The following PCDH15 variants were observed in gnomAD, a reference collection of about 807,000 sequenced individuals.
PCDH15 encodes the protein protocadherin related 15.
A neutral mutation model predicts 178.5 loss-of-function variants in PCDH15; 129 were observed. That is an observed-to-expected ratio of 0.72 (90% CI 0.63 to 0.84). The LOEUF (loss-of-function observed/expected upper bound fraction) is 0.84. Among genes scored for constraint, PCDH15 ranks in the 40% least tolerant of loss-of-function variants. PCDH15 has a pLI of 0.00. For missense variants in PCDH15, 2,230 were observed against 2,099.9 expected (o/e 1.06, Z -1.21); for synonymous variants, 800 against 732.0 (o/e 1.09, Z -1.50).
At chr10:54,599,319 A>T (rs997311597) in intron 2 of PCDH15, among the ~76,000 whole-genome samples, 1 of 152,042 alleles carries the variant, frequency 6.6e-6, no homozygotes, top group African/African-American at 2.4e-5. Flanking sequence ...GCATAGACCA[A>T]AAAAACAAAA....
At chr10:54,711,252 C>T (rs1052430350) in intron 1 of PCDH15, among the ~76,000 whole-genome samples, 1 of 151,964 alleles carries the variant, frequency 6.6e-6, no homozygotes, top group Non-Finnish European at 1.5e-5. Context: ...AAAATGATAT[C>T]TTTCCTCTGA....
At chr10:53,823,371 G>C in intron 32 of PCDH15, 1 of 1,607,550 alleles carries the variant, frequency 6.2e-7, no homozygotes, top group Non-Finnish European at 8.5e-7. Flanking sequence ...TGAAAGAAAA[G>C]AAGATAATGA....
At chr10:53,951,717 C>A (rs1448684326) in intron 23 of PCDH15, among the ~76,000 whole-genome samples, 1 of 152,172 alleles carries the variant, frequency 6.6e-6, no homozygotes, top group Non-Finnish European at 1.5e-5. Context: ...GCTGGTGGCA[C>A]CTTTACATGA....
chr10:54,632,857 G>A (rs1477359078), intron 2 of PCDH15, among the ~76,000 whole-genome samples: 1 of 151,956 alleles, frequency 6.6e-6, no homozygotes, highest in Non-Finnish European at 1.5e-5. Context: ...ACTTGAACAA[G>A]AAGTTCCAAG....
chr10:55,274,833 C>T (rs1016593785), intron 1 of PCDH15, among the ~76,000 whole-genome samples: 1 of 152,006 alleles, frequency 6.6e-6, no homozygotes, highest in Non-Finnish European at 1.5e-5. Flanking sequence ...GACCTAGATC[C>T]CTTGCATGTG....
At chr10:54,402,158 T>C (rs1235431497) in intron 3 of PCDH15, among the ~76,000 whole-genome samples, 1 of 151,668 alleles carries the variant, frequency 6.6e-6, no homozygotes, top group Admixed American at 6.6e-5. Context: ...CACAGAAAAT[T>C]CATGTATCAA....
intron 2 of PCDH15, among the ~76,000 whole-genome samples, chr10:55,127,116 T>C (rs541167682): frequency 2.0e-5 from 3 of 152,190 alleles, no homozygotes; most frequent in East Asian, 3.9e-4. Context: ...ACTACTCATG[T>C]GCTTTTCTGC....
chr10:55,406,008 G>C (rs990031622), intron 2 of PCDH15, among the ~76,000 whole-genome samples: 1 of 150,920 alleles, frequency 6.6e-6, no homozygotes, highest in Non-Finnish European at 1.5e-5. Context: ...GCAAAGATTT[G>C]AAGGAAGTGA....
chr10:55,182,763 C>T (rs1013950863), intron 1 of PCDH15, among the ~76,000 whole-genome samples: 5 of 151,918 alleles, frequency 3.3e-5, no homozygotes, highest in Admixed American at 2.0e-4. Flanking sequence ...TGTGGGATTT[C>T]ATTGGGAGGA....
chr10:54,243,067 T>G (rs2131939403), intron 8 of PCDH15, among the ~76,000 whole-genome samples: 1 of 152,334 alleles, frequency 6.6e-6, no homozygotes, highest in South Asian at 2.1e-4. Flanking sequence ...AGTAACTATA[T>G]AATTTAATAC....
intron 3 of PCDH15, among the ~76,000 whole-genome samples, chr10:54,497,151 G>C (rs2080198407): frequency 6.6e-6 from 1 of 151,754 alleles, no homozygotes. Flanking sequence ...TCCAGGGTTA[G>C]AGCAGGAAGC....
intron 28 of PCDH15, among the ~76,000 whole-genome samples, chr10:53,854,858 C>T (rs2078618900): frequency 6.6e-6 from 1 of 151,968 alleles, no homozygotes; most frequent in African/African-American, 2.4e-5. Flanking sequence ...ATTATTTGCC[C>T]AATTTCATGT....
chr10:55,064,523 G>A (rs1451786700), intron 2 of PCDH15, among the ~76,000 whole-genome samples: 1 of 151,980 alleles, frequency 6.6e-6, no homozygotes, highest in African/African-American at 2.4e-5. Context: ...GAAAAAAATT[G>A]AAATCATTGT....
chr10:54,605,547 C>A (rs1244130659), intron 2 of PCDH15: 1 of 152,204 alleles, frequency 6.6e-6, no homozygotes. Flanking sequence ...AGTTGTTTTT[C>A]TTTTGCTGCT....
chr10:55,621,173 A>G (rs1300377355), intron 2 of PCDH15, among the ~76,000 whole-genome samples: 2 of 152,210 alleles, frequency 1.3e-5, no homozygotes. Flanking sequence ...AATAATATGA[A>G]TAGAATTTAA....
At position 54,173,314 on chromosome 10, in the gene PCDH15, C is replaced by T. The variant is rs754847317; in HGVS notation, c.1590+10130G>A. On this transcript the variant is annotated intron_variant, in intron 13 of 37. Transcript: ENST00000644397. The stretch of plus-strand genomic sequence containing the variant: ...TTATTTCTTATGATTTGGCATCGTG[C>T]GCAATACTTTAAATGCTCTACACAA... Among the ~76,000 whole-genome samples the T allele has an allele frequency of 7.9e-5, 12 of 152,014 alleles. No homozygotes were observed. In the South Asian group the frequency reaches 8.3e-4, roughly 11 times the overall value.
chr10:55,244,767 A>T (rs1177912505), intron 1 of PCDH15, among the ~76,000 whole-genome samples: 1 of 151,434 alleles, frequency 6.6e-6, no homozygotes, highest in Non-Finnish European at 1.5e-5. Context: ...TCTATTAGAA[A>T]ATTATTTCCA....
chr10:55,372,566 A>C (rs1347775577), intron 2 of PCDH15, among the ~76,000 whole-genome samples: 1 of 152,166 alleles, frequency 6.6e-6, no homozygotes, highest in Non-Finnish European at 1.5e-5. Flanking sequence ...TATTCTAGAG[A>C]ATGATGCTAA....
At chr10:55,275,594 T>C (rs1172372047) in intron 1 of PCDH15, among the ~76,000 whole-genome samples, 3 of 151,960 alleles carry the variant, frequency 2.0e-5, no homozygotes, top group African/African-American at 7.3e-5. Context: ...TTGGTATTTG[T>C]ATATTCTTTT....
Sources: gnomAD v4.1 joint callset for allele counts (sites outside exome capture counted in the v4.1 genomes callset) on GRCh38, gnomAD v4.1.1 for gene constraint, MANE v1.5 for transcripts, NCBI Gene and HGNC (gene_info 2026-07-23, HGNC 2026-07-21) for gene names.